The following BABAM2 variants were observed in gnomAD, a reference collection of about 807,000 sequenced individuals.
BABAM2 encodes BRISC and BRCA1-A complex member 2.
BABAM2 carries 31 observed loss-of-function variants against 54.7 expected under a neutral mutation model. That is an observed-to-expected ratio of 0.57 (90% CI 0.43 to 0.77). BABAM2 has a LOEUF of 0.77. Ranked by LOEUF, BABAM2 falls within the 30% of genes least tolerant of loss-of-function variation. The pLI, the probability that BABAM2 is intolerant of heterozygous loss-of-function variation, is 0.00. For missense variants in BABAM2, 364 were observed against 455.8 expected, an observed-to-expected ratio of 0.80 and a Z score of 1.83; for synonymous variants, 167 against 162.9, an observed-to-expected ratio of 1.03 and a Z score of -0.19.
chr2:28,318,178 G>A (rs1347010373), intron 11 of BABAM2, among the ~76,000 whole-genome samples: 1 of 152,132 alleles, frequency 6.6e-6, no homozygotes, highest in Non-Finnish European at 1.5e-5. Flanking sequence ...CTTGGTCTTG[G>A]GTGGACCTCC....
chr2:28,325,415 G>A lies in BABAM2; in HGVS notation c.1089-13035G>A, dbSNP rs944135665. On this transcript the variant is annotated intron_variant, in intron 11 of 11. Coordinates refer to ENST00000379624, the MANE Select transcript of BABAM2 (RefSeq NM_199191.3). The surrounding 1 kb of genome is among the most constrained non-coding windows in gnomAD (Gnocchi z 4.3). Reference sequence around the variant, plus strand: ...CTTGTAAGGCCCCCTCCTGCCAGACGTTCTGTCATCTGCCAGCCTGCATGG... The same window carrying A: ...CTTGTAAGGCCCCCTCCTGCCAGACATTCTGTCATCTGCCAGCCTGCATGG... 6.6e-6 allele frequency among the ~76,000 whole-genome samples: 1 copy of A among 152,150 alleles called. No individual in the cohort carries two copies. The highest frequency in any genetic ancestry group is 2.4e-5 in the African/African-American group (1 of 41,410).
chr2:28,323,943 C>G (rs192092787), intron 11 of BABAM2, among the ~76,000 whole-genome samples: 3 of 152,200 alleles, frequency 2.0e-5, no homozygotes, highest in Non-Finnish European at 2.9e-5. Flanking sequence ...CACATGGGCC[C>G]GTGAGAGGGA....
chr2:28,302,276 G>A (rs964192555), intron 11 of BABAM2, among the ~76,000 whole-genome samples: 1 of 152,050 alleles, frequency 6.6e-6, no homozygotes, highest in Non-Finnish European at 1.5e-5. Flanking sequence ...AATTAGCAGG[G>A]CATGCTGGCA....
At chr2:28,157,517 T>G (rs574609085) in intron 7 of BABAM2, among the ~76,000 whole-genome samples, 46 of 152,174 alleles carry the variant, frequency 3.0e-4, no homozygotes, top group Non-Finnish European at 5.6e-4. Context: ...TACAACAAAG[T>G]CAAATACAAA....
intron 7 of BABAM2, among the ~76,000 whole-genome samples, chr2:28,175,766 G>A (rs1019775126): frequency 6.6e-6 from 1 of 152,202 alleles, no homozygotes; most frequent in Non-Finnish European, 1.5e-5. Flanking sequence ...CAAGCCACGT[G>A]GAAACCCAAG....
chr2:28,222,045 G>A (rs1680466539), intron 7 of BABAM2, among the ~76,000 whole-genome samples: 1 of 152,296 alleles, frequency 6.6e-6, no homozygotes, highest in African/African-American at 2.4e-5. Flanking sequence ...GGGAAAGGGA[G>A]GTGCTGATGT....
chr2:28,283,364 T>C (rs1299980256), intron 10 of BABAM2, among the ~76,000 whole-genome samples: 2 of 152,160 alleles, frequency 1.3e-5, no homozygotes, highest in East Asian at 3.9e-4. Flanking sequence ...GACTCAGAGA[T>C]TTTTAAGTAA....
At chr2:28,326,919 T>A (rs923015703) in intron 11 of BABAM2, among the ~76,000 whole-genome samples, 22 of 1,800 alleles carry the variant, frequency 0.012, no homozygotes, top group African/African-American at 0.013. Flanking sequence ...CAGTTTCCTT[T>A]TTCCTTCTAT....
intron 2 of BABAM2, among the ~76,000 whole-genome samples, chr2:27,913,911 A>G (rs1573152107): frequency 2.0e-5 from 3 of 152,330 alleles, no homozygotes; most frequent in South Asian, 2.1e-4. Flanking sequence ...TTTAATGACT[A>G]TGATAGGCAC....
At position 28,100,415 on chromosome 2, in the gene BABAM2, G is replaced by A. The variant is rs374069798; in HGVS notation, c.571-28856G>A. Among the ~76,000 whole-genome samples, 36 of 143,634 alleles carry A rather than the reference G, an allele frequency of 2.5e-4. 2 individuals carry two copies. The highest frequency in any genetic ancestry group is 8.6e-4 in the African/African-American group (33 of 38,350). The allele number at this position is 143,634 out of a possible 152,430, so 94.2% of individuals were successfully genotyped here. On this transcript the variant is annotated intron_variant, in intron 6 of 11. Coordinates refer to ENST00000379624, the MANE Select transcript of BABAM2 (RefSeq NM_199191.3). ...GTGGAGGTTGCAGTGAGACGAGACC[G>A]TGCCACTGCACTCCAGCCTGGGTGA...
chr2:27,960,983 A>C (rs1173065240), intron 3 of BABAM2, among the ~76,000 whole-genome samples: 1 of 152,182 alleles, frequency 6.6e-6, no homozygotes, highest in African/African-American at 2.4e-5. Context: ...TCTGCCATAC[A>C]TCAGCTGGGG....
Position 27,929,849 on chromosome 2 carries a change from C to T in BABAM2, c.146C>T (p.Pro49Leu). 2 of 1,613,778 alleles carry T rather than the reference C, an allele frequency of 1.2e-6. No homozygotes were observed. The highest frequency in any genetic ancestry group is 1.7e-6 in the Non-Finnish European group (2 of 1,179,758). The stretch of plus-strand genomic sequence containing the variant: ...TTTTAAAGCTGCACATCATTGACTC[C>T]TGGGCCCAACTGTGACCGATTTAAA... The part of the protein sequence containing the change: ...DLKSGCTSLT[P>L]GPNCDRFKLH... Residue 49 changes from proline to leucine, a missense_variant, in exon 3 of 12, where the codon CCT becomes CTT. By Grantham distance (98) the Pro-to-Leu change is moderately conservative (BLOSUM62 -3). Coordinates refer to ENST00000379624, the MANE Select transcript of BABAM2 (RefSeq NM_199191.3).
intron 7 of BABAM2, among the ~76,000 whole-genome samples, chr2:28,171,545 G>T (rs1674324816): frequency 6.6e-6 from 1 of 152,194 alleles, no homozygotes; most frequent in African/African-American, 2.4e-5. Flanking sequence ...CTGTCTAGTA[G>T]ATCTTCCCGT....
chr2:27,936,571 G>A (rs1668501968), intron 3 of BABAM2, among the ~76,000 whole-genome samples: 1 of 152,148 alleles, frequency 6.6e-6, no homozygotes, highest in African/African-American at 2.4e-5. Context: ...ATGATAGATT[G>A]GATTAAGAAA....
At chr2:28,061,401 C>T (rs748886742) in intron 6 of BABAM2, among the ~76,000 whole-genome samples, 3 of 151,444 alleles carry the variant, frequency 2.0e-5, no homozygotes, top group Admixed American at 6.6e-5. Flanking sequence ...CTGGCTAATA[C>T]GGTGAAACCT....
intron 10 of BABAM2, among the ~76,000 whole-genome samples, chr2:28,295,686 G>A (rs867219369): frequency 1.2e-4 from 18 of 152,014 alleles, no homozygotes; most frequent in African/African-American, 3.6e-4. Context: ...TAGTAGAGAC[G>A]GGGTTTCACC....
intron 6 of BABAM2, among the ~76,000 whole-genome samples, chr2:28,103,605 G>A (rs1667269141): frequency 6.6e-6 from 1 of 152,144 alleles, no homozygotes; most frequent in South Asian, 2.1e-4. Context: ...CACTGCACCT[G>A]GCATAAAGTG....
At chr2:28,133,703 T>A (rs2147712990) in intron 7 of BABAM2, among the ~76,000 whole-genome samples, 1 of 152,282 alleles carries the variant, frequency 6.6e-6, no homozygotes. Context: ...CGTTAACTAC[T>A]CCCAGCAATT....
At chr2:28,166,535 T>C (rs1673695386) in intron 7 of BABAM2, among the ~76,000 whole-genome samples, 1 of 152,136 alleles carries the variant, frequency 6.6e-6, no homozygotes, top group Non-Finnish European at 1.5e-5. Flanking sequence ...CAAAATGAAC[T>C]TTCTTACCTT....
Sources: gnomAD v4.1 joint callset for allele counts (sites outside exome capture counted in the v4.1 genomes callset) on GRCh38, gnomAD v4.1.1 for gene constraint, Gnocchi (gnomAD v3.1) non-coding constraint, MANE v1.5 for transcripts, NCBI Gene and HGNC (gene_info 2026-07-23, HGNC 2026-07-21) for gene names.